Variants in TECRL observed in about 807,000 individuals in gnomAD.
The protein encoded by TECRL is trans-2,3-enoyl-CoA reductase like, also known as trans-2,3-enoyl-CoA reductase-like.
Under a neutral mutation model 52.8 loss-of-function variants are expected in TECRL, and 63 were observed. The ratio of observed to expected loss-of-function variants is 1.19; its 90% CI spans 0.97 to 1.47. TECRL has a LOEUF of 1.47. Ranked by LOEUF, TECRL falls within the 40% of genes most tolerant of loss-of-function variation. The pLI is 0.00. For missense variants in TECRL, 482 were observed against 429.6 expected, an observed-to-expected ratio of 1.12 and a Z score of -1.08; for synonymous variants, 164 against 141.9, an observed-to-expected ratio of 1.16 and a Z score of -1.10.
chr4:64,388,947 T>C (rs1723364698), intron 1 of TECRL, among the ~76,000 whole-genome samples: 1 of 151,888 alleles, frequency 6.6e-6, no homozygotes, highest in Non-Finnish European at 1.5e-5. Context: ...CCTTGTATCC[T>C]GAAACCTTGC....
intron 5 of TECRL, among the ~76,000 whole-genome samples, chr4:64,313,855 C>T (rs1286643261): frequency 1.3e-5 from 2 of 148,718 alleles, no homozygotes; most frequent in African/African-American, 2.5e-5. Flanking sequence ...AACTTGTGGC[C>T]GGGCGTGGTG....
chr4:64,315,607 ATT>A (rs11310014), intron 4 of TECRL, among the ~76,000 whole-genome samples: 15 of 151,910 alleles, frequency 9.9e-5, no homozygotes, highest in South Asian at 2.1e-4. Context: ...ATCTGCTACC[ATT>A]TTTTTTTAAG....
At chr4:64,377,929 T>C (rs1048023619) in intron 1 of TECRL, among the ~76,000 whole-genome samples, 9 of 152,152 alleles carry the variant, frequency 5.9e-5, no homozygotes, top group Non-Finnish European at 8.8e-5. Context: ...CAATAAAAAT[T>C]AAAGTATAAG....
intron 6 of TECRL, among the ~76,000 whole-genome samples, chr4:64,306,148 A>G (rs1020047432): frequency 6.6e-6 from 1 of 152,138 alleles, no homozygotes; most frequent in South Asian, 2.1e-4. Context: ...TATGAAACCA[A>G]ACAAAACACT....
chr4:64,336,058 T>C (rs1050609038), intron 2 of TECRL, among the ~76,000 whole-genome samples: 2 of 152,184 alleles, frequency 1.3e-5, no homozygotes, highest in African/African-American at 4.8e-5. Context: ...TCTCTTTTTC[T>C]ATTGATTGGA....
intron 1 of TECRL, among the ~76,000 whole-genome samples, chr4:64,393,513 G>T (rs961072495): frequency 2.6e-5 from 4 of 151,946 alleles, no homozygotes; most frequent in African/African-American, 4.8e-5. Flanking sequence ...ATTCCTCCTT[G>T]TAAGAGGAGT....
intron 2 of TECRL, among the ~76,000 whole-genome samples, chr4:64,353,243 G>A (rs983918313): frequency 2.0e-4 from 30 of 152,070 alleles, no homozygotes; most frequent in Admixed American, 7.2e-4. Context: ...AGTAAAAATC[G>A]AAAAATTCAA....
chr4:64,401,628 C>T (rs1037309490), intron 1 of TECRL, among the ~76,000 whole-genome samples: 5 of 152,098 alleles, frequency 3.3e-5, no homozygotes, highest in African/African-American at 1.2e-4. Context: ...TAAATTCATG[C>T]ATTTTAAGGT....
intron 2 of TECRL, among the ~76,000 whole-genome samples, chr4:64,366,807 A>C (rs150313906): frequency 6.6e-6 from 1 of 152,254 alleles, no homozygotes; most frequent in African/African-American, 2.4e-5. Flanking sequence ...GTGGTGGTGT[A>C]AATTGGTTCA....
chr4:64,339,468 AT>A (rs1719387650), intron 2 of TECRL, among the ~76,000 whole-genome samples: 1 of 151,744 alleles, frequency 6.6e-6, no homozygotes, highest in South Asian at 2.1e-4. Flanking sequence ...ATATGGAAAA[AT>A]ATTTGTTTTC....
intron 2 of TECRL, among the ~76,000 whole-genome samples, chr4:64,346,929 C>T (rs1031586462): frequency 7.2e-5 from 11 of 152,192 alleles, no homozygotes; most frequent in Admixed American, 2.0e-4. Flanking sequence ...TTTTGCTTCT[C>T]GTTCTGGTGA....
intron 2 of TECRL, among the ~76,000 whole-genome samples, chr4:64,339,309 G>A (rs1560511450): frequency 6.7e-6 from 1 of 149,150 alleles, no homozygotes; most frequent in African/African-American, 2.5e-5. Flanking sequence ...GGGAGGGACA[G>A]CATTAGGAGA....
chr4:64,400,131 C>T (rs1577997538), intron 1 of TECRL, among the ~76,000 whole-genome samples: 1 of 152,340 alleles, frequency 6.6e-6, no homozygotes, highest in East Asian at 1.9e-4. Flanking sequence ...ACCTTGGGAG[C>T]TCACTTTATC....
chr4:64,338,797 G>A (rs937669557), intron 2 of TECRL, among the ~76,000 whole-genome samples: 2 of 152,204 alleles, frequency 1.3e-5, no homozygotes, highest in Non-Finnish European at 2.9e-5. Flanking sequence ...GTGCTGGAGA[G>A]GATGTGGAGT....
At chr4:64,382,990 T>C (rs747821481) in intron 1 of TECRL, among the ~76,000 whole-genome samples, 6 of 152,176 alleles carry the variant, frequency 3.9e-5, no homozygotes, top group Non-Finnish European at 7.4e-5. Context: ...AATGATTTCT[T>C]TCAGTTTTTG....
intron 6 of TECRL, among the ~76,000 whole-genome samples, chr4:64,308,214 A>T (rs1405666300): frequency 6.6e-6 from 1 of 152,148 alleles, no homozygotes; most frequent in Non-Finnish European, 1.5e-5. Flanking sequence ...ACCACCCATT[A>T]TGTAGCTGGC....
chr4:64,285,655 T>C (rs1425911272), intron 9 of TECRL, among the ~76,000 whole-genome samples: 1 of 152,118 alleles, frequency 6.6e-6, no homozygotes, highest in Admixed American at 6.6e-5. Flanking sequence ...TATTAAAAAT[T>C]CATAATCAAA....
intron 1 of TECRL, among the ~76,000 whole-genome samples, chr4:64,392,547 T>A (rs1552214): frequency 4.6e-5 from 7 of 151,700 alleles, no homozygotes; most frequent in Non-Finnish European, 7.4e-5. Context: ...CCATTACCTA[T>A]CCCCAAGCAT....
At chr4:64,349,111 A>T (rs1354379659) in intron 2 of TECRL, among the ~76,000 whole-genome samples, 2 of 147,736 alleles carry the variant, frequency 1.4e-5, no homozygotes, top group African/African-American at 2.5e-5. Flanking sequence ...TTTTAATAAA[A>T]TGTGAAAATA....
Sources: allele counts gnomAD v4.1 joint callset (sites outside exome capture counted in the v4.1 genomes callset), GRCh38; gene constraint gnomAD v4.1.1; transcripts MANE v1.5; gene names NCBI Gene and HGNC (gene_info 2026-07-23, HGNC 2026-07-21).